Variants in TJP2 observed in about 807,000 individuals in gnomAD.
TJP2 encodes Friedreich ataxia region gene X104 (tight junction protein ZO-2).
A neutral mutation model predicts 133.1 loss-of-function variants in TJP2; 91 were observed. The ratio of observed to expected loss-of-function variants is 0.68; its 90% CI spans 0.58 to 0.81. The LOEUF (loss-of-function observed/expected upper bound fraction) is 0.81. Among genes scored for constraint, TJP2 ranks in the 40% least tolerant of loss-of-function variants. TJP2 has a pLI of 0.00. For missense variants in TJP2, 1,541 were observed against 1,565.6 expected (o/e 0.98, Z 0.26); for synonymous variants, 592 against 583.4 (o/e 1.01, Z -0.21).
At chr9:69,214,532 A>C (rs973103853) in intron 2 of TJP2, among the ~76,000 whole-genome samples, 1 of 152,206 alleles carries the variant, frequency 6.6e-6, no homozygotes, top group Non-Finnish European at 1.5e-5. Context: ...TTTGCTTTTC[A>C]TGAGATCTCA....
chr9:69,149,246 AAAGC>A (rs1464438018), intron 1 of TJP2, among the ~76,000 whole-genome samples: 10 of 152,380 alleles, frequency 6.6e-5, no homozygotes, highest in African/African-American at 2.4e-4. Flanking sequence ...CTTAAATTAA[AAAGC>A]AAGCCATTTT....
At position 69,203,340 on chromosome 9, in the gene TJP2, G is replaced by A. The variant is rs137934721; in HGVS notation, c.61-9208G>A. On this transcript the variant is annotated intron_variant, in intron 1 of 22. Transcript: ENST00000377245. The stretch of plus-strand genomic sequence containing the variant: ...TAATTTATTATTATTTTTTTGAGAC[G>A]GAGTTCACTCTTGTTGCCTAGGCTG... 3.3e-3 allele frequency among the ~76,000 whole-genome samples: 498 copies of A among 151,760 alleles called. 4 individuals carry two copies. Among genetic ancestry groups the A allele is most frequent in the African/African-American group, 0.011 (437 of 41,396 alleles).
intron 17 of TJP2, among the ~76,000 whole-genome samples, chr9:69,244,041 G>A (rs903958607): frequency 6.6e-6 from 1 of 151,880 alleles, no homozygotes. Context: ...AAAATTAGCT[G>A]GGTGTGGTGG....
chr9:69,238,725 A>T lies in TJP2; in HGVS notation c.2291A>T (p.Asp764Val). The change falls in exon 16 of 23, where the codon GAT becomes GTT. Residue 764 changes from aspartate to valine, a missense_variant. Asp to Val is a radical substitution (Grantham distance 152). Coordinates refer to ENST00000377245, the MANE Select transcript of TJP2 (RefSeq NM_004817.4). ...WFQTAKTEPK[D>V]AGSEKSTGVV... is the part of the protein sequence containing the mutation. ...GCTTTTGCAGAAACGGAACCAAAAG[A>T]TGCAGGATCTGAGAAATCCACTGGA... 6.2e-7 allele frequency: 1 copy of T among 1,613,974 alleles called. No individual in the cohort carries two copies. The highest frequency in any genetic ancestry group is 8.5e-7 in the Non-Finnish European group (1 of 1,179,906).
At chr9:69,186,153 G>A (rs73647099) in intron 1 of TJP2, among the ~76,000 whole-genome samples, 2,738 of 152,210 alleles carry the variant, frequency 0.018, 84 homozygotes, top group African/African-American at 0.062. Context: ...GGAAAGAACC[G>A]AGTTTTTCTT....
chr9:69,192,031 C>T (rs1049770775), intron 1 of TJP2, among the ~76,000 whole-genome samples: 1 of 152,086 alleles, frequency 6.6e-6, no homozygotes, highest in African/African-American at 2.4e-5. Flanking sequence ...AGCCACCATG[C>T]CCAGCCGTAT....
intron 9 of TJP2, 148 bp downstream of exon 9, chr9:69,228,262 A>G: frequency 9.8e-7 from 1 of 1,017,710 alleles, no homozygotes; most frequent in Non-Finnish European, 1.5e-6. Context: ...GGTAACAGAA[A>G]ACCACACAGC....
At chr9:69,235,958 G>A (rs1830156148) in intron 12 of TJP2, 70 bp from the exon 13 acceptor site, 2 of 1,412,104 alleles carry the variant, frequency 1.4e-6, no homozygotes, top group Non-Finnish European at 1.0e-6. Context: ...GATAGGAGAA[G>A]CTGTGTTGAG....
At chr9:69,172,082 ACCG>A (rs1378869683), upstream of TJP2, among the ~76,000 whole-genome samples, 2 of 152,336 alleles carry the variant, frequency 1.3e-5, no homozygotes, top group Non-Finnish European at 2.9e-5. Context: ...GGCATGAGCC[ACCG>A]CGCCCTGCGG....
chr9:69,223,069 G>GGAA (rs1405334479), intron 5 of TJP2, among the ~76,000 whole-genome samples: 1 of 114,084 alleles, frequency 8.8e-6, no homozygotes, highest in African/African-American at 3.1e-5. Flanking sequence ...ACTCTGTCTT[G>GGAA]AAAAAAAAAA....
chr9:69,251,933 C>T (rs1009998969), intron 21 of TJP2, among the ~76,000 whole-genome samples: 3 of 152,220 alleles, frequency 2.0e-5, no homozygotes, highest in Non-Finnish European at 4.4e-5. Context: ...CTTTTCTTGT[C>T]GTAAAATATA....
intron 7 of TJP2, among the ~76,000 whole-genome samples, chr9:69,226,994 CATTTTAACCTTGTAAA>C (rs550860229): frequency 4.7e-4 from 72 of 152,312 alleles, no homozygotes; most frequent in South Asian, 2.3e-3. Context: ...CATAGGATAA[CATTTTAACCTTGTAAA>C]AATTGCCAAT....
chr9:69,222,484 A>G lies in TJP2; in HGVS notation c.952+988A>G, dbSNP rs2133285668. Among the ~76,000 whole-genome samples the G allele has an allele frequency of 1.3e-5, 2 of 152,220 alleles. 1 individual carries two copies. The highest frequency in any genetic ancestry group is 3.9e-4 in the East Asian group (2 of 5,170). ...TCTGGCCGAGCTATCTCTTAATTGC[A>G]CTTAACCAGCATTGTACCCAGCATT... On this transcript the variant is annotated intron_variant, in intron 5 of 22. Coordinates refer to ENST00000377245, the MANE Select transcript of TJP2 (RefSeq NM_004817.4).
intron 5 of TJP2, among the ~76,000 whole-genome samples, chr9:69,222,186 T>TA (rs948682254): frequency 2.0e-5 from 3 of 150,648 alleles, no homozygotes; most frequent in African/African-American, 7.3e-5. Context: ...AACTTTTTTT[T>TA]TTTTTTGAGA....
chr9:69,146,980 G>T (rs1823240240), intron 1 of TJP2, among the ~76,000 whole-genome samples: 1 of 152,144 alleles, frequency 6.6e-6, no homozygotes, highest in Non-Finnish European at 1.5e-5. Context: ...CTTTAGAATG[G>T]AATTCTGAGG....
At chr9:69,151,725 A>G (rs1823487450) in exon 2 of TJP2, 1 of 1,231,752 alleles carries the variant, frequency 8.1e-7, no homozygotes, top group South Asian at 4.1e-5. Context: ...AGGAGCAAGT[A>G]CTCCAGGAAG....
chr9:69,136,353 T>C (rs185943441), intron 1 of TJP2, among the ~76,000 whole-genome samples: 1 of 152,222 alleles, frequency 6.6e-6, no homozygotes, highest in Admixed American at 6.5e-5. Flanking sequence ...ACTTCATCTC[T>C]ACTGAAAAAA....
At chr9:69,225,270 A>T in intron 5 of TJP2, 34 bp from the exon 6 acceptor site, 1 of 1,397,982 alleles carries the variant, frequency 7.2e-7, no homozygotes, top group African/African-American at 1.4e-5. Flanking sequence ...ACAAATTGAT[A>T]ACATACGTGT....
chr9:69,218,476 T>C, intron 4 of TJP2, 117 bp downstream of exon 4: 1 of 764,348 alleles, frequency 1.3e-6, no homozygotes, highest in Non-Finnish European at 2.3e-6. Flanking sequence ...GGACCGCTGT[T>C]CTTGGATCCT....
Sources: allele counts gnomAD v4.1 joint callset (sites outside exome capture counted in the v4.1 genomes callset), GRCh38; gene constraint gnomAD v4.1.1; transcripts MANE v1.5; gene names NCBI Gene and HGNC (gene_info 2026-07-23, HGNC 2026-07-21).